Variants in LMO7 observed in about 807,000 individuals in gnomAD.
The protein encoded by LMO7 is LIM domain 7.
Under a neutral mutation model 206.5 loss-of-function variants are expected in LMO7, and 120 were observed. That is an observed-to-expected ratio of 0.58 (90% CI 0.50 to 0.68). The LOEUF is 0.68. Ranked by LOEUF, LMO7 falls within the 30% of genes least tolerant of loss-of-function variation. LMO7 has a pLI of 0.00. For missense variants in LMO7, 1,959 were observed against 1,957.9 expected, an observed-to-expected ratio of 1.00 and a Z score of -0.01; for synonymous variants, 706 against 681.5, an observed-to-expected ratio of 1.04 and a Z score of -0.56.
At chr13:75,659,476 A>G (rs1461924098) in intron 1 of LMO7, among the ~76,000 whole-genome samples, 1 of 152,224 alleles carries the variant, frequency 6.6e-6, no homozygotes, top group African/African-American at 2.4e-5. Flanking sequence ...CCTCAGAATC[A>G]TGGCGGGAGG....
At chr13:75,787,094 C>G (rs2052556777) in intron 4 of LMO7, among the ~76,000 whole-genome samples, 1 of 152,214 alleles carries the variant, frequency 6.6e-6, no homozygotes, top group African/African-American at 2.4e-5. Context: ...GACATCTACT[C>G]TCTCCCTCAA....
At chr13:75,770,630 A>T (rs1373008308) in intron 4 of LMO7, among the ~76,000 whole-genome samples, 1 of 152,114 alleles carries the variant, frequency 6.6e-6, no homozygotes, top group Non-Finnish European at 1.5e-5. Context: ...GGAATGCTGG[A>T]TTTGGAGTGA....
rs959812453 is a variant in LMO7, at chr13:75,644,413, G to A, written c.69+7687G>A. On this transcript the variant is annotated intron_variant, in intron 1 of 30. Transcript: ENST00000377534. The stretch of plus-strand genomic sequence containing the variant: ...TTATACTCTGCTGCCTGGGAGTGGC[G>A]CTGGCCAGGTAGTTCATCATTGTTA... Among the ~76,000 whole-genome samples, 12 of 152,236 alleles carry A rather than the reference G, an allele frequency of 7.9e-5. No individual in the cohort carries two copies. The South Asian group carries it at 1.0e-3, about 13-fold the overall frequency.
chr13:75,666,951 G>A (rs988023718), intron 1 of LMO7, among the ~76,000 whole-genome samples: 1 of 152,152 alleles, frequency 6.6e-6, no homozygotes, highest in Non-Finnish European at 1.5e-5. Context: ...TCTAAAGGAG[G>A]TAGAATCAGT....
exon 1 of LMO7, chr13:75,621,633 C>A: frequency 1.0e-6 from 1 of 956,712 alleles, no homozygotes; most frequent in Non-Finnish European, 1.5e-6. Flanking sequence ...AGGGCAAGTG[C>A]AAATAAGTTC....
chr13:75,828,275 A>G (rs34973043), intron 15 of LMO7, among the ~76,000 whole-genome samples: 12,289 of 152,290 alleles, frequency 0.081, 536 homozygotes, highest in Middle Eastern at 0.12. Flanking sequence ...TAGGTGTATT[A>G]TCCCCGTTTT....
chr13:75,676,409 C>T (rs2040020786), intron 1 of LMO7, among the ~76,000 whole-genome samples: 1 of 152,156 alleles, frequency 6.6e-6, no homozygotes, highest in South Asian at 2.1e-4. Context: ...TACGAGCACT[C>T]CAAGCCGGCT....
intron 2 of LMO7, among the ~76,000 whole-genome samples, chr13:75,630,958 C>G (rs1332919601): frequency 6.6e-6 from 1 of 151,772 alleles, no homozygotes; most frequent in Non-Finnish European, 1.5e-5. Context: ...GCCTGGCCTG[C>G]CTTTTTTCAC....
intron 1 of LMO7, among the ~76,000 whole-genome samples, chr13:75,640,741 A>T (rs2036454621): frequency 6.6e-6 from 1 of 152,258 alleles, no homozygotes; most frequent in Non-Finnish European, 1.5e-5. Context: ...ACATTAAAAA[A>T]TAGGATTTTA....
intron 4 of LMO7, among the ~76,000 whole-genome samples, chr13:75,775,457 T>C (rs1424972105): frequency 1.3e-5 from 2 of 151,564 alleles, no homozygotes; most frequent in African/African-American, 4.8e-5. Context: ...AATAGACAAA[T>C]GAGACTTAAA....
intron 1 of LMO7, among the ~76,000 whole-genome samples, chr13:75,703,077 G>A (rs186973348): frequency 1.9e-3 from 288 of 152,240 alleles, no homozygotes; most frequent in South Asian, 6.8e-3. Flanking sequence ...CTCCTGTGCA[G>A]TAGAAGGCTA....
intron 15 of LMO7, among the ~76,000 whole-genome samples, chr13:75,825,664 C>T (rs2058052602): frequency 6.6e-6 from 1 of 152,100 alleles, no homozygotes; most frequent in South Asian, 2.1e-4. Context: ...ATCTCTGATG[C>T]TTGGTGTGTC....
intron 11 of LMO7, among the ~76,000 whole-genome samples, chr13:75,809,387 A>T (rs140605969): frequency 1.3e-5 from 2 of 152,098 alleles, no homozygotes; most frequent in African/African-American, 2.4e-5. Context: ...TATTTGTTTT[A>T]TTAAAAATTT....
intron 3 of LMO7, among the ~76,000 whole-genome samples, chr13:75,735,811 A>G (rs985047272): frequency 2.6e-5 from 4 of 151,868 alleles, no homozygotes; most frequent in Non-Finnish European, 4.4e-5. Context: ...AATAAGCTTT[A>G]TATAAAAATG....
At chr13:75,708,738 AATATGCCATT>A (rs1333975396) in intron 1 of LMO7, among the ~76,000 whole-genome samples, 1 of 152,200 alleles carries the variant, frequency 6.6e-6, no homozygotes, top group Non-Finnish European at 1.5e-5. Context: ...TTTTCAGAAG[AATATGCCATT>A]CTCTTTGGGT....
At chr13:75,776,093 G>A (rs2050330181) in intron 4 of LMO7, among the ~76,000 whole-genome samples, 1 of 59,120 alleles carries the variant, frequency 1.7e-5, no homozygotes, top group Non-Finnish European at 2.8e-5. Context: ...GAAATGTTGT[G>A]GATATATATA....
At chr13:75,641,779 C>T (rs899003666) in intron 1 of LMO7, among the ~76,000 whole-genome samples, 4 of 151,936 alleles carry the variant, frequency 2.6e-5, no homozygotes, top group African/African-American at 4.8e-5. Context: ...CTCAGCCTCC[C>T]GAGTAGCTGG....
chr13:75,749,016 A>G (rs1309088373), intron 3 of LMO7, among the ~76,000 whole-genome samples: 1 of 152,060 alleles, frequency 6.6e-6, no homozygotes, highest in East Asian at 1.9e-4. Flanking sequence ...TGTGTTGCCC[A>G]GGCTGGTCTG....
chr13:75,677,661 C>CT (rs1329525250), intron 1 of LMO7, among the ~76,000 whole-genome samples: 5 of 143,696 alleles, frequency 3.5e-5, no homozygotes, highest in East Asian at 4.0e-4. Flanking sequence ...TTTTATTATA[C>CT]TTTAAGTTCT....
Sources: allele counts gnomAD v4.1 joint callset (sites outside exome capture counted in the v4.1 genomes callset), GRCh38; gene constraint gnomAD v4.1.1; transcripts MANE v1.5; gene names NCBI Gene and HGNC (gene_info 2026-07-23, HGNC 2026-07-21).